Variants in RALGAPA2 observed in about 807,000 individuals in gnomAD.
RALGAPA2 encodes the protein ral GTPase-activating protein subunit alpha-2.
A neutral mutation model predicts 230.4 loss-of-function variants in RALGAPA2; 139 were observed. That is an observed-to-expected ratio of 0.60 (90% CI 0.53 to 0.69). RALGAPA2 has a LOEUF of 0.69. RALGAPA2 is among the 30% of genes least tolerant of loss of function. The pLI is 0.00. For missense variants in RALGAPA2, 2,163 were observed against 2,276.0 expected, an observed-to-expected ratio of 0.95 and a Z score of 1.01; for synonymous variants, 847 against 837.8, an observed-to-expected ratio of 1.01 and a Z score of -0.19.
At chr20:20,576,479 G>C (rs904831460) in intron 20 of RALGAPA2, among the ~76,000 whole-genome samples, 12 of 152,008 alleles carry the variant, frequency 7.9e-5, no homozygotes, top group Admixed American at 7.9e-4. Flanking sequence ...CTTTCTCATA[G>C]GCTTTTCTTT....
chr20:20,691,434 GC>G (rs2068902128), intron 1 of RALGAPA2, among the ~76,000 whole-genome samples: 1 of 152,010 alleles, frequency 6.6e-6, no homozygotes, highest in African/African-American at 2.4e-5. Flanking sequence ...CAGAGCACAG[GC>G]CATGTACGGG....
intron 36 of RALGAPA2, 106 bp downstream of exon 36, chr20:20,495,011 C>T (rs1482963377): frequency 1.9e-6 from 2 of 1,037,590 alleles, no homozygotes; most frequent in Non-Finnish European, 2.7e-6. Context: ...CATTCAACAA[C>T]TGGATGAGAG....
rs142835716 is a variant in RALGAPA2 at position 20,535,527 on chromosome 20, G to A, written c.3473+218C>T. On this transcript the variant is annotated intron_variant, in intron 26 of 39. Transcript: ENST00000202677. ...CTTGCTTTTTCTCACACAAAATAGT[G>A]TACTATATACTCTTCTGCACTTTAC... Among the ~76,000 whole-genome samples, 435 of 152,238 alleles carry A rather than the reference G, an allele frequency of 2.9e-3. 2 individuals carry two copies. Among genetic ancestry groups the A allele is most frequent in the African/African-American group, 0.01 (420 of 41,524 alleles).
At chr20:20,560,623 T>C (rs73292704) in intron 23 of RALGAPA2, among the ~76,000 whole-genome samples, 3 of 152,320 alleles carry the variant, frequency 2.0e-5, no homozygotes, top group Non-Finnish European at 2.9e-5. Context: ...GTCTACTCTT[T>C]ATGAATTATA....
intron 31 of RALGAPA2, among the ~76,000 whole-genome samples, chr20:20,514,772 A>AC (rs2062819113): frequency 6.6e-6 from 1 of 152,066 alleles, no homozygotes; most frequent in Non-Finnish European, 1.5e-5. Context: ...AGCCTGAGCC[A>AC]CCCCACCTTT....
intron 38 of RALGAPA2, among the ~76,000 whole-genome samples, chr20:20,410,781 A>G (rs915968779): frequency 6.6e-6 from 1 of 152,186 alleles, no homozygotes; most frequent in Non-Finnish European, 1.5e-5. Flanking sequence ...TTCCAGTTCA[A>G]CAAAGATCAA....
chr20:20,531,593 T>TG, intron 27 of RALGAPA2, 94 bp downstream of exon 27: 1 of 1,051,902 alleles, frequency 9.5e-7, no homozygotes. Context: ...CTCTGTCATT[T>TG]GGGGGATAAA....
intron 2 of RALGAPA2, among the ~76,000 whole-genome samples, chr20:20,679,350 A>C (rs1269731812): frequency 1.3e-5 from 2 of 152,196 alleles, no homozygotes; most frequent in Non-Finnish European, 2.9e-5. Flanking sequence ...CCACTGAGAC[A>C]CAACACTTTT....
In RALGAPA2 at chr20:20,589,292, C is replaced by T; in HGVS notation, c.2415G>A (p.Val805=). Residue 805 remains valine, a synonymous_variant, in exon 18 of 40, where the codon GTG becomes GTA. Coordinates refer to ENST00000202677, the MANE Select transcript of RALGAPA2 (RefSeq NM_020343.4). ...PQPIQENKGH[V]KREHEGITIL... ...CTGTTATTCCTTCATGTTCTCTCTT[C>T]ACATGTCCTTTATTCTCTTGAATAG... 2 of 1,582,436 alleles carry T rather than the reference C, an allele frequency of 1.3e-6. No individual in the cohort carries two copies. The highest frequency in any genetic ancestry group is 1.7e-6 in the Non-Finnish European group (2 of 1,162,402).
chr20:20,701,596 G>A (rs754648712), intron 1 of RALGAPA2, among the ~76,000 whole-genome samples: 1 of 151,998 alleles, frequency 6.6e-6, no homozygotes, highest in African/African-American at 2.4e-5. Context: ...AAAATTAGCC[G>A]GCACATGCCT....
Position 20,529,803 on chromosome 20 carries a change from C to T in RALGAPA2, c.3582+1884G>A, listed in dbSNP as rs149635241. 7.6e-4 allele frequency among the ~76,000 whole-genome samples: 115 copies of T among 152,278 alleles called. 1 individual carries two copies. Among genetic ancestry groups the T allele is most frequent in the Admixed American group, 3.5e-3 (53 of 15,304 alleles). On this transcript the variant is annotated intron_variant, in intron 27 of 39. Coordinates refer to ENST00000202677, the MANE Select transcript of RALGAPA2 (RefSeq NM_020343.4). ...TAGCGACACTCTTCTTAGAATGTAT[C>T]CCCATCACTATGCGATGCGTGACTC... is the stretch of plus-strand genomic sequence containing the variant.
intron 38 of RALGAPA2, among the ~76,000 whole-genome samples, chr20:20,400,253 A>G (rs564245914): frequency 3.3e-4 from 50 of 152,316 alleles, no homozygotes; most frequent in Admixed American, 2.1e-3. Flanking sequence ...AGTATTTCCA[A>G]TCCAGCAGCA....
At chr20:20,458,016 C>G (rs2061164109) in intron 37 of RALGAPA2, among the ~76,000 whole-genome samples, 1 of 152,174 alleles carries the variant, frequency 6.6e-6, no homozygotes, top group Admixed American at 6.5e-5. Flanking sequence ...AGTGACGTGG[C>G]TGACTCACAC....
chr20:20,651,181 A>G (rs563564821), intron 4 of RALGAPA2, among the ~76,000 whole-genome samples: 1 of 152,324 alleles, frequency 6.6e-6, no homozygotes, highest in Admixed American at 6.5e-5. Context: ...AACGCACCAC[A>G]TTGTCATTCT....
In RALGAPA2 at chr20:20,521,056, CTG is replaced by C. The variant is rs756856581; in HGVS notation, c.3943_3944del (p.Gln1315GlufsTer9). 14 of 1,613,802 alleles carry C rather than the reference CTG, an allele frequency of 8.7e-6. No homozygotes were observed. Among genetic ancestry groups the C allele is most frequent in the Non-Finnish European group, 1.2e-5 (14 of 1,179,780 alleles). On this transcript the variant is annotated frameshift_variant, in exon 31 of 40. Coordinates refer to ENST00000202677, the MANE Select transcript of RALGAPA2 (RefSeq NM_020343.4). LOFTEE classifies it high-confidence loss of function. ...CAGCCAGGGTCAGTATGTAGTGACT[CTG>C]TTGGGTGTACGTGCTTGAGCCACAC... The part of the protein sequence containing the change: ...CVCGSSTYTQ[Q>X]SHYILTLADL...
rs539125117 is a variant in RALGAPA2, at chr20:20,393,291, A to C, written c.*36-38T>G. ...CAGAGAACTGCTAAGTCATGGAGGC[A>C]ACGGCGGCTCTACGGCCACACATTT... On this transcript the variant is annotated intron_variant, in intron 39 of 39. Transcript: ENST00000202677. The C allele has an allele frequency of 6.5e-5, 83 of 1,269,824 alleles. No individual in the cohort carries two copies. In the South Asian group the frequency reaches 1.1e-3, roughly 17 times the overall value. 78.7% of individuals were successfully genotyped at this position (1,269,824 alleles called of 1,614,324 possible).
Position 20,629,394 on chromosome 20 carries a change from T to C in RALGAPA2, c.1202A>G (p.Tyr401Cys), listed in dbSNP as rs765133933. 6.2e-7 allele frequency: 1 copy of C among 1,609,834 alleles called. No individual in the cohort carries two copies. Among genetic ancestry groups the C allele is most frequent in the Non-Finnish European group, 8.5e-7 (1 of 1,178,000 alleles). Residue 401 changes from tyrosine (Y) to cysteine (C), a missense_variant, in exon 10 of 40, where the codon TAT (tyrosine) becomes TGT (cysteine). Physicochemically the swap from Tyr to Cys is radical, Grantham distance 194. Transcript: ENST00000202677. The stretch of plus-strand genomic sequence containing the variant: ...AAATACTTCATTCACGAAGTTGACA[T>C]AACCTCGTGTTGACAAGAGAATCCG... ...VQRILLSTRG[Y>C]VNFVNEVFHQ...
At position 20,571,501 on chromosome 20, in the gene RALGAPA2, T is replaced by C. The variant is rs368184772; in HGVS notation, c.3113A>G (p.His1038Arg). ...TCCCAGGTGCATCACAAGGTAAAAATGCACCAGGAAATCTGAGTTTGGCAG... is the reference window on the plus strand; with the variant it reads ...TCCCAGGTGCATCACAAGGTAAAAACGCACCAGGAAATCTGAGTTTGGCAG... ...DVLPNSDFLV[H>R]FYLVMHLGLT... Residue 1038 changes from histidine to arginine, a missense_variant, in exon 23 of 40, where the codon CAT becomes CGT. Coordinates refer to ENST00000202677, the MANE Select transcript of RALGAPA2 (RefSeq NM_020343.4). The C allele has an allele frequency of 1.9e-6, 3 of 1,612,844 alleles. No individual in the cohort carries two copies. Among genetic ancestry groups the C allele is most frequent in the Non-Finnish European group, 1.7e-6 (2 of 1,179,606 alleles).
rs772089136 is a variant in RALGAPA2, at chr20:20,465,197, A to ACACACACACACACACACACT, written c.5495+7631_5495+7632insAGTGTGTGTGTGTGTGTGTG. 1.8e-4 allele frequency among the ~76,000 whole-genome samples: 27 copies of ACACACACACACACACACACT among 147,432 alleles called. No homozygotes were observed. In the East Asian group the frequency reaches 1.9e-3, roughly 10 times the overall value. ...CACACACACACACACACACACACACACTCTCTCATACTAGGGGACAGCAGC... is the reference window on the plus strand; with the variant it reads ...CACACACACACACACACACACACACACACACACACACACACACACTCTCTCTCATACTAGGGGACAGCAGC... On this transcript the variant is annotated intron_variant, in intron 37 of 39. Transcript: ENST00000202677.
Sources: gnomAD v4.1 joint callset for allele counts (sites outside exome capture counted in the v4.1 genomes callset) on GRCh38, gnomAD v4.1.1 for gene constraint, MANE v1.5 for transcripts, NCBI Gene and HGNC (gene_info 2026-07-23, HGNC 2026-07-21) for gene names.